Variants in PCDH17 observed in about 807,000 individuals in gnomAD.
The protein encoded by PCDH17 is protocadherin-17.
Under a neutral mutation model 67.7 loss-of-function variants are expected in PCDH17, and 21 were observed. The observed-to-expected ratio is 0.31, with a 90% CI of 0.22 to 0.45. The LOEUF is 0.45. Among genes scored for constraint, PCDH17 ranks in the 20% least tolerant of loss-of-function variants. PCDH17 has a pLI of 1.00. For missense variants in PCDH17, 1,471 were observed against 1,564.8 expected, an observed-to-expected ratio of 0.94 and a Z score of 1.01; for synonymous variants, 701 against 656.7, an observed-to-expected ratio of 1.07 and a Z score of -1.03.
At position 57,634,336 on chromosome 13, in the gene PCDH17, T is replaced by C. The variant is rs1378749772; in HGVS notation, c.1790T>C (p.Val597Ala). 4.3e-6 allele frequency: 7 copies of C among 1,612,818 alleles called. No homozygotes were observed. The highest frequency in any genetic ancestry group is 5.9e-6 in the Non-Finnish European group (7 of 1,180,018). ...CAGAACGACACCGCGGAGCTGCAGG[T>C]GCCGCGCAACGCTGGCCTGGGCTAT... is the stretch of plus-strand genomic sequence containing the variant. ...TLQNDTAELQ[V>A]PRNAGLGYLV... The change falls in exon 1 of 4, where the codon GTG (valine) becomes GCG (alanine). Residue 597 changes from valine (V) to alanine (A), a missense_variant. Around this residue, in one of 3 missense-constraint regions of PCDH17, gnomAD observed 1,163 missense variants for 1,230.0 expected, o/e 0.95. Transcript: ENST00000377918. The surrounding 1 kb of genome is among the most constrained non-coding windows in gnomAD (Gnocchi z 7.8).
At chr13:57,708,966 T>C (rs1465360558) in intron 3 of PCDH17, among the ~76,000 whole-genome samples, 4 of 151,854 alleles carry the variant, frequency 2.6e-5, no homozygotes, top group Non-Finnish European at 5.9e-5. Flanking sequence ...GTACATAATA[T>C]ATCTAAGTTA....
In PCDH17 at chr13:57,728,175, C is replaced by T. The variant is rs1405947567; in HGVS notation, c.*2881C>T. The T allele has an allele frequency of 6.6e-6, 1 of 152,540 alleles. No homozygotes were observed. Among genetic ancestry groups the T allele is most frequent in the Non-Finnish European group, 1.5e-5 (1 of 67,996 alleles). 9.4% of individuals were successfully genotyped at this position (152,540 alleles called of 1,614,324 possible). ...GGAAATCTCGCTTTTATTCATTTAG[C>T]TGGCAACTGCCTTTATTGCAGACCT... is the stretch of plus-strand genomic sequence containing the variant. On this transcript the variant is annotated 3_prime_UTR_variant, in exon 4 of 4. Coordinates refer to ENST00000377918, the MANE Select transcript of PCDH17 (RefSeq NM_001040429.3).
chr13:57,661,297 T>G (rs1315713250), intron 1 of PCDH17, among the ~76,000 whole-genome samples: 4 of 152,198 alleles, frequency 2.6e-5, no homozygotes. Flanking sequence ...CATCAATATA[T>G]TCTATATGAT....
In PCDH17 at chr13:57,632,466, C is replaced by T; in HGVS notation, c.-81C>T. The T allele has an allele frequency of 1.4e-6, 2 of 1,431,208 alleles. No homozygotes were observed. The highest frequency in any genetic ancestry group is 1.9e-6 in the Non-Finnish European group (2 of 1,064,286). 88.7% of individuals were successfully genotyped at this position (1,431,208 alleles called of 1,614,324 possible). A position where few individuals can be genotyped will look rare whatever the true frequency, so the allele number is the denominator to read the frequency against. ...TGGCTCGCGTCGCGCGCGCACGCTG[C>T]GCCAGGGCCCCAGGCTGGCGCGCAC... On this transcript the variant is annotated 5_prime_UTR_variant, in exon 1 of 4. Coordinates refer to ENST00000377918, the MANE Select transcript of PCDH17 (RefSeq NM_001040429.3).
At chr13:57,630,353 T>TAAA (rs77570917), upstream of PCDH17, among the ~76,000 whole-genome samples, 13 of 137,872 alleles carry the variant, frequency 9.4e-5, no homozygotes, top group Non-Finnish European at 1.4e-4. Flanking sequence ...AAGGAGGAAT[T>TAAA]AAAAAAAAAA....
At chr13:57,654,895 T>A (rs2138005981) in intron 1 of PCDH17, among the ~76,000 whole-genome samples, 1 of 152,126 alleles carries the variant, frequency 6.6e-6, no homozygotes, top group East Asian at 1.9e-4. Context: ...TGGAAATATC[T>A]TTTCCTATGT....
chr13:57,652,374 C>A (rs1204526071), intron 1 of PCDH17, among the ~76,000 whole-genome samples: 6 of 151,586 alleles, frequency 4.0e-5, no homozygotes, highest in African/African-American at 1.5e-4. Context: ...TCATTTTGCA[C>A]CCTCTAAACC....
chr13:57,705,324 T>C (rs1253122025), intron 3 of PCDH17, among the ~76,000 whole-genome samples: 1 of 152,098 alleles, frequency 6.6e-6, no homozygotes, highest in African/African-American at 2.4e-5. Context: ...ATGAAATATT[T>C]TTAATGTTTA....
chr13:57,711,656 A>G (rs1432260303), intron 3 of PCDH17, among the ~76,000 whole-genome samples: 1 of 151,372 alleles, frequency 6.6e-6, no homozygotes, highest in Non-Finnish European at 1.5e-5. Context: ...ATACTATAAA[A>G]CTCTTCAATT....
chr13:57,632,805 A>C lies in PCDH17; in HGVS notation c.259A>C (p.Lys87Gln). ...CGCAGACAGCGGGCTCCTCTACACC[A>C]AGCAGCGCATCGACCGCGAGTCCCT... ...VDADSGLLYTKQRIDRESLCR... is the reference protein window; with the variant it reads ...VDADSGLLYTQQRIDRESLCR... Residue 87 changes from lysine (K) to glutamine (Q), a missense_variant, in exon 1 of 4, where the codon AAG becomes CAG. Physicochemically the swap from Lys to Gln is moderately conservative, Grantham distance 53. This residue lies in a region of PCDH17 where 1,163 missense variants were observed against 1,230.0 expected (regional missense o/e 0.95). Transcript: ENST00000377918. The C allele has an allele frequency of 6.2e-7, 1 of 1,613,366 alleles. No homozygotes were observed. The highest frequency in any genetic ancestry group is 2.2e-5 in the East Asian group (1 of 44,838).
At chr13:57,682,506 G>A (rs969139377) in intron 3 of PCDH17, among the ~76,000 whole-genome samples, 1 of 151,630 alleles carries the variant, frequency 6.6e-6, no homozygotes, top group African/African-American at 2.4e-5. Flanking sequence ...TTTAACCTTG[G>A]CCAACAAATC....
At chr13:57,642,960 T>C (rs1417295248) in intron 1 of PCDH17, among the ~76,000 whole-genome samples, 1 of 151,628 alleles carries the variant, frequency 6.6e-6, no homozygotes, top group African/African-American at 2.4e-5. Flanking sequence ...GTTTTCACCC[T>C]TAATCTACAA....
intron 1 of PCDH17, among the ~76,000 whole-genome samples, chr13:57,637,410 G>A (rs1194325091): frequency 1.3e-5 from 2 of 151,578 alleles, no homozygotes; most frequent in African/African-American, 2.4e-5. Flanking sequence ...ATTATGGGGA[G>A]CAGAGTAAAT....
At chr13:57,678,654 TA>T (rs1301758834) in intron 3 of PCDH17, among the ~76,000 whole-genome samples, 3 of 151,446 alleles carry the variant, frequency 2.0e-5, no homozygotes, top group African/African-American at 7.3e-5. Context: ...CTCAGATATG[TA>T]AAAATTCAGA....
At chr13:57,648,792 A>G (rs1001677522) in intron 1 of PCDH17, among the ~76,000 whole-genome samples, 1 of 151,982 alleles carries the variant, frequency 6.6e-6, no homozygotes, top group African/African-American at 2.4e-5. Flanking sequence ...GATATAAGGG[A>G]AAAAAATTAA....
At position 57,633,656 on chromosome 13, in the gene PCDH17, C is replaced by T; in HGVS notation, c.1110C>T (p.Val370=). The T allele has an allele frequency of 6.2e-7, 1 of 1,607,378 alleles. No homozygotes were observed. The change falls in exon 1 of 4, where the codon GTC becomes GTT. Residue 370 remains valine (V), a synonymous_variant. Coordinates refer to ENST00000377918, the MANE Select transcript of PCDH17 (RefSeq NM_001040429.3). This position sits in a 1 kb window ranked among gnomAD's most constrained non-coding sequence, Gnocchi z 6.2. The stretch of plus-strand genomic sequence containing the variant: ...GCGAGGCCGCCCCTCCCGGCACCGT[C>T]ATCGCCCTGGTGCGGGTCACTGACC... ...ALSEAAPPGT[V]IALVRVTDRD...
At chr13:57,680,242 G>A (rs1044437709) in intron 3 of PCDH17, among the ~76,000 whole-genome samples, 7 of 151,360 alleles carry the variant, frequency 4.6e-5, no homozygotes, top group Non-Finnish European at 7.4e-5. Context: ...CTTGTAATAC[G>A]ATCTTGAAAG....
intron 3 of PCDH17, among the ~76,000 whole-genome samples, chr13:57,673,901 T>C (rs993992971): frequency 6.6e-6 from 1 of 151,028 alleles, no homozygotes; most frequent in Non-Finnish European, 1.5e-5. Flanking sequence ...TTATGTTTTC[T>C]GGATAAAGTG....
At chr13:57,713,390 T>C (rs1376059799) in intron 3 of PCDH17, among the ~76,000 whole-genome samples, 2 of 151,714 alleles carry the variant, frequency 1.3e-5, no homozygotes, top group African/African-American at 4.8e-5. Context: ...ATAGCACAGT[T>C]ACAGGTAATA....
Sources: allele counts gnomAD v4.1 joint callset (sites outside exome capture counted in the v4.1 genomes callset), GRCh38; gene constraint gnomAD v4.1.1; regional missense constraint gnomAD v4.1.1; non-coding constraint Gnocchi (gnomAD v3.1); transcripts MANE v1.5; gene names NCBI Gene and HGNC (gene_info 2026-07-23, HGNC 2026-07-21).